The following LYPD6 variants were observed in gnomAD, a reference collection of about 807,000 sequenced individuals.
LYPD6 encodes the protein ly6/PLAUR domain-containing protein 6.
Under a neutral mutation model 22.7 loss-of-function variants are expected in LYPD6, and 15 were observed. The ratio of observed to expected loss-of-function variants is 0.66; its 90% CI spans 0.44 to 1.02. The LOEUF is 1.02. Ranked by LOEUF, LYPD6 falls within the 50% of genes least tolerant of loss-of-function variation. The pLI, the probability that LYPD6 is intolerant of heterozygous loss-of-function variation, is 0.00. For synonymous variants in LYPD6, 72 were observed against 77.5 expected (o/e 0.93, Z 0.37); for missense variants, 189 against 208.4 (o/e 0.91, Z 0.57).
At chr2:149,403,658 A>G (rs1682617889) in intron 1 of LYPD6, among the ~76,000 whole-genome samples, 1 of 150,994 alleles carries the variant, frequency 6.6e-6, no homozygotes, top group Non-Finnish European at 1.5e-5. Context: ...GTAGGTTGTG[A>G]AAATTTTCTC....
chr2:149,419,412 A>G (rs1683030941), intron 1 of LYPD6, among the ~76,000 whole-genome samples: 1 of 152,206 alleles, frequency 6.6e-6, no homozygotes, highest in Non-Finnish European at 1.5e-5. Flanking sequence ...TTTATCATTA[A>G]TTAAGAACTC....
intron 3 of LYPD6, among the ~76,000 whole-genome samples, chr2:149,459,756 G>A (rs999866899): frequency 2.0e-5 from 3 of 152,012 alleles, no homozygotes. Context: ...ACAAAAATTA[G>A]CCAGGCTTGG....
chr2:149,481,750 C>T, the LYPD6 span, among the ~76,000 whole-genome samples: 1 of 152,056 alleles, frequency 6.6e-6, no homozygotes, highest in Non-Finnish European at 1.5e-5. Context: ...TTAAAAAATG[C>T]TTGGAGAAAA....
At chr2:149,367,117 G>A (rs923685206) in intron 1 of LYPD6, among the ~76,000 whole-genome samples, 5 of 151,900 alleles carry the variant, frequency 3.3e-5, no homozygotes, top group Non-Finnish European at 7.4e-5. Flanking sequence ...ATAACAAATT[G>A]CCACAAGTAA....
chr2:149,364,881 ATCT>A (rs1681631727), intron 1 of LYPD6, among the ~76,000 whole-genome samples: 1 of 152,104 alleles, frequency 6.6e-6, no homozygotes, highest in African/African-American at 2.4e-5. Flanking sequence ...AGTACTCACA[ATCT>A]TCTAGGTTCA....
At chr2:149,341,113 T>C (rs1229257542) in intron 1 of LYPD6, among the ~76,000 whole-genome samples, 1 of 152,214 alleles carries the variant, frequency 6.6e-6, no homozygotes, top group Non-Finnish European at 1.5e-5. Context: ...TTTTCTTTTA[T>C]GTATAACTTC....
chr2:149,454,044 G>A (rs1680896959), intron 3 of LYPD6, among the ~76,000 whole-genome samples: 2 of 152,084 alleles, frequency 1.3e-5, no homozygotes, highest in Non-Finnish European at 2.9e-5. Context: ...AAAAAGTGCT[G>A]GTTACATTTT....
chr2:149,338,080 T>C (rs1035894122), intron 1 of LYPD6, among the ~76,000 whole-genome samples: 6 of 150,624 alleles, frequency 4.0e-5, no homozygotes, highest in South Asian at 2.1e-4. Context: ...GTTGATTCCA[T>C]GTATTTGCTA....
At chr2:149,391,278 C>G (rs1682302470) in intron 1 of LYPD6, among the ~76,000 whole-genome samples, 1 of 152,144 alleles carries the variant, frequency 6.6e-6, no homozygotes, top group African/African-American at 2.4e-5. Context: ...GTGGGGGAAC[C>G]ACTTGTTTAA....
intron 3 of LYPD6, among the ~76,000 whole-genome samples, chr2:149,453,803 T>G (rs1680891364): frequency 6.6e-6 from 1 of 152,216 alleles, no homozygotes. Flanking sequence ...AACCTAAGGG[T>G]GGAATTTTCT....
chr2:149,447,760 G>T (rs1484199902), intron 2 of LYPD6, among the ~76,000 whole-genome samples: 1 of 152,204 alleles, frequency 6.6e-6, no homozygotes, highest in East Asian at 1.9e-4. Flanking sequence ...GTTGACATGA[G>T]TAAGTTATTA....
At chr2:149,357,693 T>G (rs2105064836) in intron 1 of LYPD6, among the ~76,000 whole-genome samples, 1 of 152,336 alleles carries the variant, frequency 6.6e-6, no homozygotes, top group Non-Finnish European at 1.5e-5. Context: ...TTAAAACATT[T>G]TATTCAATTA....
chr2:149,474,974 G>C (rs1001092952), downstream of LYPD6, among the ~76,000 whole-genome samples: 1 of 152,014 alleles, frequency 6.6e-6, no homozygotes, highest in African/African-American at 2.4e-5. Context: ...TCACCATGTT[G>C]GCCAGGATGG....
At chr2:149,377,508 C>A (rs894056869) in intron 1 of LYPD6, among the ~76,000 whole-genome samples, 1 of 152,108 alleles carries the variant, frequency 6.6e-6, no homozygotes, top group Non-Finnish European at 1.5e-5. Flanking sequence ...TGGCTGGGTG[C>A]GGTGGCTCAT....
chr2:149,474,550 T>C (rs1681419028), downstream of LYPD6, among the ~76,000 whole-genome samples: 1 of 152,116 alleles, frequency 6.6e-6, no homozygotes, highest in Non-Finnish European at 1.5e-5. Flanking sequence ...TCCAGGGAAA[T>C]CTTTTCCACA....
chr2:149,351,962 C>T (rs1681366774), intron 1 of LYPD6, among the ~76,000 whole-genome samples: 2 of 151,856 alleles, frequency 1.3e-5, no homozygotes, highest in Admixed American at 1.3e-4. Flanking sequence ...TGGTGAGCTG[C>T]CCCTGCCCTG....
chr2:149,432,774 G>C (rs1207462706), intron 1 of LYPD6, among the ~76,000 whole-genome samples: 1 of 152,162 alleles, frequency 6.6e-6, no homozygotes, highest in Non-Finnish European at 1.5e-5. Flanking sequence ...TAGGACACCA[G>C]GGGAGGGCAT....
chr2:149,376,193 C>G (rs1488158986), intron 1 of LYPD6, among the ~76,000 whole-genome samples: 4 of 152,072 alleles, frequency 2.6e-5, no homozygotes, highest in Non-Finnish European at 5.9e-5. Flanking sequence ...GGAAAACAGC[C>G]CTACAGATAA....
At chr2:149,334,694 G>A (rs1353782240) in intron 1 of LYPD6, among the ~76,000 whole-genome samples, 2 of 152,142 alleles carry the variant, frequency 1.3e-5, no homozygotes, top group African/African-American at 2.4e-5. Flanking sequence ...AACCAGACCC[G>A]TGTCCCTGTG....
Sources: allele counts gnomAD v4.1 joint callset (sites outside exome capture counted in the v4.1 genomes callset), GRCh38; gene constraint gnomAD v4.1.1; transcripts MANE v1.5; gene names NCBI Gene and HGNC (gene_info 2026-07-23, HGNC 2026-07-21).